CCDC6: variants seen among roughly 807,000 people sequenced by gnomAD.
CCDC6 encodes the protein coiled-coil domain-containing protein 6.
In CCDC6, 20 loss-of-function variants were observed where a neutral mutation model predicts 56.6. The observed-to-expected ratio is 0.35, with a 90% CI of 0.25 to 0.51. CCDC6 has a LOEUF of 0.51. Ranked by LOEUF, CCDC6 falls within the 20% of genes least tolerant of loss-of-function variation. The pLI is 0.95. For missense variants in CCDC6, 367 were observed against 601.1 expected, an observed-to-expected ratio of 0.61 and a Z score of 4.07; for synonymous variants, 241 against 234.4, an observed-to-expected ratio of 1.03 and a Z score of -0.26.
intron 2 of CCDC6, among the ~76,000 whole-genome samples, chr10:59,840,089 G>C (rs534722172): frequency 4.6e-5 from 7 of 152,312 alleles, no homozygotes; most frequent in African/African-American, 1.7e-4. Flanking sequence ...CTCCCAAAGT[G>C]CTGGGATTAC....
chr10:59,805,058 C>A (rs1479786168), intron 6 of CCDC6: 1 of 155,428 alleles, frequency 6.4e-6, no homozygotes, highest in Admixed American at 6.2e-5. Context: ...GTACTGAACA[C>A]CTACAGCAGG....
chr10:59,826,249 T>C (rs910032341), intron 3 of CCDC6, among the ~76,000 whole-genome samples: 4 of 152,154 alleles, frequency 2.6e-5, no homozygotes, highest in African/African-American at 7.2e-5. Flanking sequence ...GGGAGTCAAC[T>C]TCAAATCTCC....
At chr10:59,804,757 T>C in intron 6 of CCDC6, 2 of 451,186 alleles carry the variant, frequency 4.4e-6, no homozygotes, top group Non-Finnish European at 8.1e-6. Context: ...TAGCTCAGGA[T>C]GGAAGCCAGG....
chr10:59,883,434 G>C (rs887554682), intron 1 of CCDC6, among the ~76,000 whole-genome samples: 1 of 152,168 alleles, frequency 6.6e-6, no homozygotes, highest in South Asian at 2.1e-4. Context: ...TGTCACACTT[G>C]ATACAAGAAG....
At chr10:59,811,129 A>G (rs2070668987) in intron 5 of CCDC6, among the ~76,000 whole-genome samples, 1 of 152,216 alleles carries the variant, frequency 6.6e-6, no homozygotes, top group South Asian at 2.1e-4. Context: ...GTCCCATCTT[A>G]GAACTGTAAG....
intron 1 of CCDC6, among the ~76,000 whole-genome samples, chr10:59,870,196 T>C (rs2071216272): frequency 6.6e-6 from 1 of 152,190 alleles, no homozygotes; most frequent in African/African-American, 2.4e-5. Context: ...TGGCAAGTAC[T>C]CCGATACTGG....
intron 1 of CCDC6, among the ~76,000 whole-genome samples, chr10:59,874,117 A>AC: frequency 1.9e-5 from 2 of 104,802 alleles, no homozygotes; most frequent in Non-Finnish European, 3.9e-5. Context: ...TTTACCTAGC[A>AC]AACACACACA....
At chr10:59,882,430 G>C (rs868225963) in intron 1 of CCDC6, among the ~76,000 whole-genome samples, 14 of 15,674 alleles carry the variant, frequency 8.9e-4, no homozygotes, top group Non-Finnish European at 1.6e-3. Context: ...GGAAAGCCAG[G>C]GGGAGAAGGA....
At chr10:59,893,693 GCATT>G (rs1332666363) in intron 1 of CCDC6, among the ~76,000 whole-genome samples, 1 of 152,002 alleles carries the variant, frequency 6.6e-6, no homozygotes, top group African/African-American at 2.4e-5. Context: ...ATAAATTTGT[GCATT>G]CAAAGTCTGT....
chr10:59,893,359 G>A (rs2071437971), intron 1 of CCDC6, among the ~76,000 whole-genome samples: 1 of 152,148 alleles, frequency 6.6e-6, no homozygotes, highest in Non-Finnish European at 1.5e-5. Context: ...AGCACTTTGG[G>A]AAGCTGAGGT....
chr10:59,843,251 A>AGGG, intron 2 of CCDC6, among the ~76,000 whole-genome samples: 1 of 152,326 alleles, frequency 6.6e-6, no homozygotes, highest in Middle Eastern at 3.4e-3. Context: ...TGGACCTGGA[A>AGGG]TTCATTGTTT....
intron 1 of CCDC6, among the ~76,000 whole-genome samples, chr10:59,894,225 G>A (rs764331744): frequency 2.0e-5 from 3 of 152,148 alleles, no homozygotes; most frequent in East Asian, 1.9e-4. Flanking sequence ...CTCTTCCCCC[G>A]CCCTTCTGTA....
At chr10:59,806,362 G>A (rs2070623600) in intron 6 of CCDC6, 1 of 152,192 alleles carries the variant, frequency 6.6e-6, no homozygotes, top group African/African-American at 2.4e-5. Context: ...GTGGGGCAAT[G>A]AGGGGATTCA....
At chr10:59,863,086 T>C (rs764427196) in intron 1 of CCDC6, among the ~76,000 whole-genome samples, 1 of 151,966 alleles carries the variant, frequency 6.6e-6, no homozygotes, top group Non-Finnish European at 1.5e-5. Context: ...AAACACAGTA[T>C]GGTGTGAAAG....
intron 2 of CCDC6, among the ~76,000 whole-genome samples, chr10:59,849,528 T>G (rs56245609): frequency 3.8e-4 from 58 of 152,352 alleles, no homozygotes; most frequent in Admixed American, 6.5e-4. Flanking sequence ...CAAGTCTCAT[T>G]TTGTTCTCAG....
At chr10:59,884,245 A>G (rs892988255) in intron 1 of CCDC6, among the ~76,000 whole-genome samples, 1 of 152,202 alleles carries the variant, frequency 6.6e-6, no homozygotes, top group Non-Finnish European at 1.5e-5. Flanking sequence ...AAAACAAACA[A>G]AAAAATAAGA....
rs1400180086 is a variant in CCDC6, at chr10:59,789,455, AAC to A, written c.*3460_*3461del. On this transcript the variant is annotated 3_prime_UTR_variant, in exon 9 of 9. Transcript: ENST00000263102. ...ATCAAAAAATTAAAGAAGAAAAAAA[AAC>A]CCTAAAAAACAAAGAAAAAAACAAA... The A allele has an allele frequency of 1.5e-4, 35 of 232,558 alleles. No individual in the cohort carries two copies. The highest frequency in any genetic ancestry group is 7.3e-4 in the African/African-American group (33 of 45,410). The allele number at this position is 232,558 out of a possible 1,614,324, so 14.4% of individuals were successfully genotyped here. A position where few individuals can be genotyped will look rare whatever the true frequency, so the allele number is the denominator to read the frequency against.
chr10:59,874,990 T>C (rs2071266105), intron 1 of CCDC6, among the ~76,000 whole-genome samples: 1 of 152,234 alleles, frequency 6.6e-6, no homozygotes, highest in South Asian at 2.1e-4. Context: ...TTTGTAATAA[T>C]TTGTTACAGC....
At chr10:59,873,055 G>GT (rs1438506243) in intron 1 of CCDC6, among the ~76,000 whole-genome samples, 2 of 150,624 alleles carry the variant, frequency 1.3e-5, no homozygotes, top group Non-Finnish European at 3.0e-5. Context: ...TAGCATGCCT[G>GT]TTCACATGTT....
Sources: allele counts gnomAD v4.1 joint callset (sites outside exome capture counted in the v4.1 genomes callset), GRCh38; gene constraint gnomAD v4.1.1; transcripts MANE v1.5; gene names NCBI Gene and HGNC (gene_info 2026-07-23, HGNC 2026-07-21).